Variants in CHN2 observed in about 807,000 individuals in gnomAD.
CHN2 encodes beta-chimaerin.
CHN2 carries 35 observed loss-of-function variants against 56.3 expected under a neutral mutation model. The observed-to-expected ratio is 0.62, with a 90% confidence interval of 0.47 to 0.82. The LOEUF is 0.82. CHN2 is among the 40% of genes least tolerant of loss of function. The pLI is 0.00. For synonymous variants in CHN2, 210 were observed against 212.8 expected (o/e 0.99, Z 0.12); for missense variants, 491 against 580.5 (o/e 0.85, Z 1.58).
chr7:29,261,639 A>G (rs1222770578), intron 1 of CHN2, among the ~76,000 whole-genome samples: 1 of 152,192 alleles, frequency 6.6e-6, no homozygotes, highest in Non-Finnish European at 1.5e-5. Context: ...CTTAACTAGA[A>G]CTATAGTTCA....
In CHN2 at chr7:29,398,289, C is replaced by A. The variant is rs1801927175; in HGVS notation, c.177-84C>A. On this transcript the variant is annotated intron_variant, in intron 4 of 12. Transcript: ENST00000222792. The stretch of plus-strand genomic sequence containing the variant: ...TGTGGGGCTGTCGATTCTGGGTGCC[C>A]CCACCATCCTTTTAAGGCTAGTTCT... The A allele has an allele frequency of 3.8e-6, 4 of 1,050,952 alleles. No individual in the cohort carries two copies. The African/African-American group carries it at 6.2e-5, about 16-fold the overall frequency. 65.1% of individuals were successfully genotyped at this position (1,050,952 alleles called of 1,614,324 possible).
rs550581034 is a variant in CHN2 at position 29,443,304 on chromosome 7, G to A, written c.577-36975G>A. 6.6e-5 allele frequency among the ~76,000 whole-genome samples: 10 copies of A among 152,256 alleles called. No homozygotes were observed. In the East Asian group the frequency reaches 1.9e-3, roughly 29 times the overall value. On this transcript the variant is annotated intron_variant, in intron 6 of 12. Coordinates refer to ENST00000222792, the MANE Select transcript of CHN2 (RefSeq NM_004067.4). ...GAGCAGAGGTCGTCTTGCCCATTTG[G>A]ATGTATAAGCTGAGAAGTACTGAAG...
chr7:29,284,344 C>T (rs148568133), intron 1 of CHN2, among the ~76,000 whole-genome samples: 3,288 of 152,292 alleles, frequency 0.022, 122 homozygotes, highest in African/African-American at 0.075. Flanking sequence ...ATCTGCCTGC[C>T]TCGACCTCCC....
chr7:29,359,847 G>T (rs1181519186), intron 2 of CHN2, among the ~76,000 whole-genome samples: 1 of 152,212 alleles, frequency 6.6e-6, no homozygotes, highest in Non-Finnish European at 1.5e-5. Context: ...TGCTCTGAAA[G>T]ATTTTCTTTC....
intron 7 of CHN2, among the ~76,000 whole-genome samples, chr7:29,491,706 A>G (rs1454936098): frequency 2.0e-5 from 3 of 152,148 alleles, no homozygotes; most frequent in East Asian, 1.9e-4. Flanking sequence ...ACACCCAGCC[A>G]TATATTCTTT....
chr7:29,469,882 C>T (rs1322237426), intron 6 of CHN2, among the ~76,000 whole-genome samples: 1 of 151,640 alleles, frequency 6.6e-6, no homozygotes, highest in East Asian at 1.9e-4. Flanking sequence ...AATAGATGCT[C>T]AATAATTATT....
intron 6 of CHN2, among the ~76,000 whole-genome samples, chr7:29,412,062 A>G (rs997145390): frequency 2.6e-5 from 4 of 152,288 alleles, no homozygotes; most frequent in Admixed American, 2.6e-4. Context: ...GTTCAGGTTC[A>G]TTTTAATTTT....
chr7:29,491,787 A>T (rs1001119098), intron 7 of CHN2, among the ~76,000 whole-genome samples: 3 of 152,204 alleles, frequency 2.0e-5, no homozygotes, highest in African/African-American at 7.2e-5. Context: ...TTGACTTCAA[A>T]TATTCTTCAG....
At chr7:29,334,163 G>C (rs1368151262) in intron 1 of CHN2, among the ~76,000 whole-genome samples, 1 of 147,178 alleles carries the variant, frequency 6.8e-6, no homozygotes. Context: ...TGATTCTCCT[G>C]CCTCAGCCTC....
chr7:29,354,828 G>C (rs952741336), intron 2 of CHN2, among the ~76,000 whole-genome samples, 165 bp downstream of exon 2: 1 of 151,978 alleles, frequency 6.6e-6, no homozygotes, highest in Admixed American at 6.6e-5. Context: ...ACGATTAACA[G>C]AGCCCCCTCC....
At chr7:29,246,529 T>C (rs1431825881) in intron 1 of CHN2, among the ~76,000 whole-genome samples, 1 of 152,144 alleles carries the variant, frequency 6.6e-6, no homozygotes, top group Non-Finnish European at 1.5e-5. Flanking sequence ...TCCATATGGC[T>C]CACAGGGGCC....
At chr7:29,252,364 A>AT (rs1303675089) in intron 1 of CHN2, among the ~76,000 whole-genome samples, 2 of 150,446 alleles carry the variant, frequency 1.3e-5, no homozygotes, top group African/African-American at 4.9e-5. Context: ...AATTTTATGT[A>AT]TTTTTAGTAG....
chr7:29,512,848 C>A lies in CHN2; in HGVS notation c.*113C>A. The A allele has an allele frequency of 8.5e-7, 1 of 1,182,908 alleles. No individual in the cohort carries two copies. The highest frequency in any genetic ancestry group is 1.2e-6 in the Non-Finnish European group (1 of 848,692). The allele number at this position is 1,182,908 out of a possible 1,614,324, so 73.3% of individuals were successfully genotyped here. A position where few individuals can be genotyped will look rare whatever the true frequency, so the allele number is the denominator to read the frequency against. Reference sequence around the variant, plus strand: ...TTTTCCAAGCAAGTGCTAGAATTTCCTGGACTGCAGAGGATCGCTGAGTGG... The same window carrying A: ...TTTTCCAAGCAAGTGCTAGAATTTCATGGACTGCAGAGGATCGCTGAGTGG... On this transcript the variant is annotated 3_prime_UTR_variant, in exon 13 of 13. Coordinates refer to ENST00000222792, the MANE Select transcript of CHN2 (RefSeq NM_004067.4).
intron 4 of CHN2, among the ~76,000 whole-genome samples, chr7:29,395,757 C>T (rs867451711): frequency 1.4e-4 from 22 of 152,232 alleles, no homozygotes; most frequent in African/African-American, 5.3e-4. Flanking sequence ...GATGACAAGC[C>T]ACAGACTGGT....
chr7:29,503,281 G>A (rs555033754), intron 9 of CHN2, among the ~76,000 whole-genome samples: 175 of 152,330 alleles, frequency 1.1e-3, no homozygotes, highest in African/African-American at 4.1e-3. Context: ...AGGAAAGGAC[G>A]TGTGAGAGAA....
chr7:29,224,756 T>G (rs372783604), intron 1 of CHN2, among the ~76,000 whole-genome samples: 21 of 152,206 alleles, frequency 1.4e-4, no homozygotes, highest in African/African-American at 4.6e-4. Flanking sequence ...GTTGCTAAAG[T>G]GCTATTCAAA....
chr7:29,323,928 C>T (rs1171037979), intron 1 of CHN2, among the ~76,000 whole-genome samples: 5 of 151,848 alleles, frequency 3.3e-5, no homozygotes, highest in East Asian at 3.9e-4. Context: ...GGCGTGAACC[C>T]GGGAGGCGGA....
At chr7:29,318,964 T>A (rs1795146900) in intron 1 of CHN2, among the ~76,000 whole-genome samples, 1 of 152,192 alleles carries the variant, frequency 6.6e-6, no homozygotes, top group Admixed American at 6.5e-5. Context: ...CCAGTTTCCT[T>A]AATACAAGCC....
intron 3 of CHN2, among the ~76,000 whole-genome samples, chr7:29,387,111 C>A (rs751439269): frequency 1.3e-4 from 20 of 152,140 alleles, no homozygotes; most frequent in Admixed American, 6.5e-5. Flanking sequence ...TACCTTGGAG[C>A]ATTGTTTAGA....
Sources: gnomAD v4.1 joint callset for allele counts (sites outside exome capture counted in the v4.1 genomes callset) on GRCh38, gnomAD v4.1.1 for gene constraint, MANE v1.5 for transcripts, NCBI Gene and HGNC (gene_info 2026-07-23, HGNC 2026-07-21) for gene names.